The following CRIM1 variants were observed in gnomAD, a reference collection of about 807,000 sequenced individuals.
CRIM1 encodes the protein cysteine rich transmembrane BMP regulator 1, also known as cysteine-rich motor neuron 1 protein.
CRIM1 carries 32 observed loss-of-function variants against 116.4 expected under a neutral mutation model. The observed-to-expected ratio is 0.27, with a 90% CI of 0.21 to 0.37. CRIM1 has a LOEUF of 0.37. Ranked by LOEUF, CRIM1 falls within the 10% of genes least tolerant of loss-of-function variation. CRIM1 has a pLI of 1.00. For missense variants in CRIM1, 1,331 were observed against 1,354.8 expected (o/e 0.98, Z 0.28); for synonymous variants, 590 against 509.2 (o/e 1.16, Z -2.13).
intron 15 of CRIM1, among the ~76,000 whole-genome samples, chr2:36,545,469 T>G (rs2125191760): frequency 6.6e-6 from 1 of 152,316 alleles, no homozygotes; most frequent in South Asian, 2.1e-4. Flanking sequence ...ACTGAAGACC[T>G]GTGCATTGCA....
chr2:36,388,298 A>G (rs564017918), intron 1 of CRIM1, among the ~76,000 whole-genome samples: 3 of 152,334 alleles, frequency 2.0e-5, no homozygotes, highest in South Asian at 2.1e-4. Context: ...TTATTACATT[A>G]AAAGACCTTT....
At chr2:36,374,163 C>A (rs1670141340) in intron 1 of CRIM1, among the ~76,000 whole-genome samples, 1 of 152,198 alleles carries the variant, frequency 6.6e-6, no homozygotes, top group Non-Finnish European at 1.5e-5. Flanking sequence ...CCCAAAGATT[C>A]TTGGACCTTA....
At chr2:36,522,017 C>CT (rs1213227827) in intron 12 of CRIM1, 75 bp from the exon 13 acceptor site, 2 of 1,267,040 alleles carry the variant, frequency 1.6e-6, no homozygotes, top group Non-Finnish European at 2.3e-6. Flanking sequence ...ACTGGGTGTG[C>CT]TTTGAAACAC....
intron 1 of CRIM1, among the ~76,000 whole-genome samples, chr2:36,366,776 A>C (rs1315427875): frequency 6.6e-6 from 1 of 151,902 alleles, no homozygotes; most frequent in Non-Finnish European, 1.5e-5. Context: ...GTGATTAAAC[A>C]AAAGGCATCT....
At chr2:36,506,188 C>T (rs1238088878) in intron 8 of CRIM1, among the ~76,000 whole-genome samples, 1 of 61,382 alleles carries the variant, frequency 1.6e-5, no homozygotes, top group Admixed American at 1.5e-4. Flanking sequence ...CTCTCACACA[C>T]ACACACACAC....
intron 7 of CRIM1, among the ~76,000 whole-genome samples, chr2:36,498,140 A>C (rs1680733794): frequency 6.6e-6 from 1 of 152,216 alleles, no homozygotes; most frequent in African/African-American, 2.4e-5. Context: ...TTTTTGTTGA[A>C]AAGATGTTGC....
At chr2:36,442,313 A>G (rs1675906092) in intron 3 of CRIM1, among the ~76,000 whole-genome samples, 1 of 151,372 alleles carries the variant, frequency 6.6e-6, no homozygotes, top group African/African-American at 2.4e-5. Context: ...CTCTTGAACT[A>G]TTCTATCAAT....
intron 1 of CRIM1, among the ~76,000 whole-genome samples, chr2:36,396,063 T>A (rs1558536522): frequency 6.6e-6 from 1 of 152,064 alleles, no homozygotes; most frequent in Non-Finnish European, 1.5e-5. Flanking sequence ...TGCACAACCA[T>A]TCCCAGCTAA....
rs529331860 is a variant in CRIM1, at chr2:36,445,332, T to C, written c.869+2597T>C. ...CCCTCCATTCCAAGCACAGCAGTCA[T>C]CTCTCACAGCATGGGATGCCTTTCA... On this transcript the variant is annotated intron_variant, in intron 4 of 16. Transcript: ENST00000280527. Among the ~76,000 whole-genome samples the C allele has an allele frequency of 3.3e-5, 5 of 152,232 alleles. No individual in the cohort carries two copies. In the South Asian group the frequency reaches 1.0e-3, roughly 32 times the overall value.
chr2:36,377,380 A>G (rs958651264), intron 1 of CRIM1, among the ~76,000 whole-genome samples: 6 of 152,232 alleles, frequency 3.9e-5, no homozygotes, highest in African/African-American at 9.6e-5. Flanking sequence ...AGAAATTTAG[A>G]TGATAAATTC....
chr2:36,407,306 C>T (rs3755211), intron 2 of CRIM1, among the ~76,000 whole-genome samples: 5,174 of 152,124 alleles, frequency 0.034, 232 homozygotes, highest in East Asian at 0.091. Flanking sequence ...CTTTAAAATA[C>T]AAGTACATGT....
intron 1 of CRIM1, among the ~76,000 whole-genome samples, chr2:36,395,291 C>T (rs528605612): frequency 6.6e-6 from 1 of 152,198 alleles, no homozygotes; most frequent in South Asian, 2.1e-4. Context: ...CATGAGCCAC[C>T]ACTCCCAGCC....
chr2:36,513,252 T>C (rs1031507605), intron 10 of CRIM1: 3 of 313,164 alleles, frequency 9.6e-6, no homozygotes, highest in African/African-American at 6.3e-5. Flanking sequence ...TTTGTAAAAT[T>C]TGTTATAAAA....
chr2:36,356,004 C>G lies in CRIM1; in HGVS notation c.-289C>G, dbSNP rs1451047088. 1 of 151,728 alleles carries G rather than the reference C, an allele frequency of 6.6e-6. No individual in the cohort carries two copies. Among genetic ancestry groups the G allele is most frequent in the Admixed American group, 6.6e-5 (1 of 15,214 alleles). The allele number at this position is 151,728 out of a possible 1,614,324, so 9.4% of individuals were successfully genotyped here. ...GAAGTTTGGGTTGAACCGGAGCTGC[C>G]GGGAGGAAACTTTTTTCTTTTTTCC... On this transcript the variant is annotated 5_prime_UTR_variant, in exon 1 of 17. Transcript: ENST00000280527. The surrounding 1 kb of genome is among the most constrained non-coding windows in gnomAD (Gnocchi z 4.3).
At chr2:36,418,507 G>A (rs1267190505) in intron 2 of CRIM1, among the ~76,000 whole-genome samples, 2 of 152,116 alleles carry the variant, frequency 1.3e-5, no homozygotes, top group Non-Finnish European at 2.9e-5. Context: ...GGCTGGTCTT[G>A]AACTCCTGGG....
At position 36,396,670 on chromosome 2, in the gene CRIM1, A is replaced by T. The variant is rs747146030; in HGVS notation, c.388A>T (p.Ile130Phe). The change falls in exon 2 of 17, where the codon ATT (isoleucine) becomes TTT (phenylalanine). Residue 130 changes from isoleucine (I) to phenylalanine (F), a missense_variant. Around this residue, in one of 3 missense-constraint regions of CRIM1, gnomAD observed 690 missense variants for 676.0 expected, o/e 1.02. Coordinates refer to ENST00000280527, the MANE Select transcript of CRIM1 (RefSeq NM_016441.3). ...LGFKPCNENL[I>F]AGCNIINGKC... ...TTTTAAACCATGCAATGAAAACCTT[A>T]TTGCTGGCTGCAATATAATCAATGG... 1.2e-6 allele frequency: 2 copies of T among 1,613,542 alleles called. No individual in the cohort carries two copies. The highest frequency in any genetic ancestry group is 1.7e-6 in the Non-Finnish European group (2 of 1,179,504).
At chr2:36,482,749 A>C (rs991892861) in intron 7 of CRIM1, among the ~76,000 whole-genome samples, 22 of 152,364 alleles carry the variant, frequency 1.4e-4, no homozygotes, top group Admixed American at 2.0e-4. Flanking sequence ...CTCTAGGTAC[A>C]TCGTCAGAGT....
chr2:36,502,795 A>G (rs998046040), intron 8 of CRIM1, among the ~76,000 whole-genome samples: 2 of 152,216 alleles, frequency 1.3e-5, no homozygotes, highest in African/African-American at 4.8e-5. Context: ...CCAGGGCTCT[A>G]CTTGGTGCTC....
intron 12 of CRIM1, among the ~76,000 whole-genome samples, chr2:36,521,541 G>A (rs561962890): frequency 6.6e-6 from 1 of 152,280 alleles, no homozygotes; most frequent in South Asian, 2.1e-4. Context: ...TGATTCAGTG[G>A]CTCAGTGGGG....
Sources: allele counts gnomAD v4.1 joint callset (sites outside exome capture counted in the v4.1 genomes callset), GRCh38; gene constraint gnomAD v4.1.1; regional missense constraint gnomAD v4.1.1; non-coding constraint Gnocchi (gnomAD v3.1); transcripts MANE v1.5; gene names NCBI Gene and HGNC (gene_info 2026-07-23, HGNC 2026-07-21).